The following MATR3 variants were observed in gnomAD, a reference collection of about 807,000 sequenced individuals.
MATR3 encodes matrin-3.
MATR3 carries 4 observed loss-of-function variants against 85.5 expected under a neutral mutation model. The ratio of observed to expected loss-of-function variants is 0.05; its 90% CI spans 0.02 to 0.11. The LOEUF (loss-of-function observed/expected upper bound fraction) is 0.11, where lower values mean the gene tolerates loss of function less well. Ranked by LOEUF, MATR3 falls within the 10% of genes least tolerant of loss-of-function variation. The pLI is 1.00. For missense variants in MATR3, 685 were observed against 1,016.1 expected (o/e 0.67, Z 4.43); for synonymous variants, 336 against 343.1 (o/e 0.98, Z 0.23).
rs1220406341 is a variant in MATR3 at position 139,330,745 on chromosome 5, T to A, written c.*1350T>A. On this transcript the variant is annotated 3_prime_UTR_variant, in exon 15 of 15. Transcript: ENST00000394805. ...ATGAGCAAGAATTAGTTCTGCAGCT[T>A]TTCAAAATAATTACGTAGAGACTCT... 2 of 454,106 alleles carry A rather than the reference T, an allele frequency of 4.4e-6. No homozygotes were observed. The highest frequency in any genetic ancestry group is 4.7e-5 in the Admixed American group (2 of 42,576). 28.1% of individuals were successfully genotyped at this position (454,106 alleles called of 1,614,324 possible). A position where few individuals can be genotyped will look rare whatever the true frequency, so the allele number is the denominator to read the frequency against.
chr5:139,323,923 T>C (rs1755709134), intron 12 of MATR3, among the ~76,000 whole-genome samples: 1 of 152,154 alleles, frequency 6.6e-6, no homozygotes, highest in African/African-American at 2.4e-5. Flanking sequence ...AATGAGATTT[T>C]TGCCATCCTA....
rs767660135 is a variant in MATR3, at chr5:139,324,290, GTTTTTT to G, written c.2149-1135_2149-1130del. 3.7e-5 allele frequency among the ~76,000 whole-genome samples: 4 copies of G among 107,732 alleles called. No individual in the cohort carries two copies. The South Asian group carries it at 9.9e-4, about 27-fold the overall frequency. 70.7% of individuals were successfully genotyped at this position (107,732 alleles called of 152,430 possible). A position where few individuals can be genotyped will look rare whatever the true frequency, so the allele number is the denominator to read the frequency against. ...GGCAGTCATTCTTCAGAGCATGATT[GTTTTTT>G]TTTTTTTTTTTTTTGGAGACGGAGT... On this transcript the variant is annotated intron_variant, in intron 12 of 14. Transcript: ENST00000394805.
At position 139,326,224 on chromosome 5, in the gene MATR3, A is replaced by G; in HGVS notation, c.2433A>G (p.Thr811=). 6.2e-7 allele frequency: 1 copy of G among 1,613,182 alleles called. No individual in the cohort carries two copies. Among genetic ancestry groups the G allele is most frequent in the Non-Finnish European group, 8.5e-7 (1 of 1,179,376 alleles). ...GTAAGCTGTGTTCACTCTTTTATAC[A>G]AATGAAGAAGTTGCAAAGAATACTC... The part of the protein sequence containing the change: ...FYCKLCSLFY[T]NEEVAKNTHC... The change falls in exon 14 of 15, where the codon ACA becomes ACG. Residue 811 remains threonine (T), a synonymous_variant. Transcript: ENST00000394805.
intron 1 of MATR3, among the ~76,000 whole-genome samples, chr5:139,301,223 C>T (rs1407501760): frequency 1.3e-5 from 2 of 152,128 alleles, no homozygotes; most frequent in East Asian, 1.9e-4. Context: ...AGGATTCACA[C>T]GAAGGCTTTT....
chr5:139,281,297 C>G (rs1467513029), intron 3 of MATR3, among the ~76,000 whole-genome samples: 1 of 151,870 alleles, frequency 6.6e-6, no homozygotes, highest in Non-Finnish European at 1.5e-5. Context: ...GACTCAGCCT[C>G]CTGAGTAGCT....
Position 139,329,333 on chromosome 5 carries a change from CTT to C in MATR3, c.2494-10_2494-9del. 1 of 1,605,498 alleles carries C rather than the reference CTT, an allele frequency of 6.2e-7. No individual in the cohort carries two copies. The highest frequency in any genetic ancestry group is 8.5e-7 in the Non-Finnish European group (1 of 1,172,702). ...TAGGTGACTTAATGGCTGTAATTCTCTTTCTTTATAGAAATTTCTGAATAAAT... is the reference window on the plus strand; with the variant it reads ...TAGGTGACTTAATGGCTGTAATTCTCTCTTTATAGAAATTTCTGAATAAAT... On this transcript the variant is annotated splice_polypyrimidine_tract_variant and intron_variant, in intron 14 of 14. Coordinates refer to ENST00000394805, the MANE Select transcript of MATR3 (RefSeq NM_018834.6).
chr5:139,275,296 C>T (rs1460696355), intron 1 of MATR3, among the ~76,000 whole-genome samples: 1 of 151,884 alleles, frequency 6.6e-6, no homozygotes, highest in African/African-American at 2.4e-5. Context: ...CGCGCCCGGC[C>T]TAACATTTTC....
chr5:139,284,339 G>A (rs147364806), intron 3 of MATR3, among the ~76,000 whole-genome samples: 295 of 152,220 alleles, frequency 1.9e-3, no homozygotes, highest in African/African-American at 6.9e-3. Flanking sequence ...TTGGCCGGGC[G>A]CGGTTGCCTA....
At chr5:139,283,209 G>A (rs1033636545) in intron 3 of MATR3, 1 of 152,256 alleles carries the variant, frequency 6.6e-6, no homozygotes, top group Admixed American at 6.5e-5. Flanking sequence ...GGGTTCTGAT[G>A]AGTTGAAGGA....
intron 13 of MATR3, 35 bp downstream of exon 13, chr5:139,325,697 C>T (rs1295778752): frequency 9.6e-6 from 15 of 1,556,336 alleles, no homozygotes; most frequent in Non-Finnish European, 1.2e-5. Context: ...ACCTTCCTCA[C>T]TCTCCTCAAA....
intron 1 of MATR3, among the ~76,000 whole-genome samples, chr5:139,299,148 C>G (rs1255766099): frequency 6.6e-6 from 1 of 152,016 alleles, no homozygotes; most frequent in Non-Finnish European, 1.5e-5. Flanking sequence ...TTTATATACA[C>G]TGGTTTGTAT....
chr5:139,287,116 T>A (rs1336392830), intron 3 of MATR3, among the ~76,000 whole-genome samples: 1 of 152,240 alleles, frequency 6.6e-6, no homozygotes, highest in Non-Finnish European at 1.5e-5. Context: ...TTAGGACTTT[T>A]ACCTTTGTCA....
At chr5:139,319,180 A>T in intron 8 of MATR3, 147 bp downstream of exon 8, 1 of 1,240,448 alleles carries the variant, frequency 8.1e-7, no homozygotes, top group Non-Finnish European at 1.2e-6. Context: ...GGTCAGAAGG[A>T]TTATGTGAGG....
upstream of MATR3, among the ~76,000 whole-genome samples, chr5:139,290,595 G>A (rs1370193216): frequency 2.0e-5 from 3 of 151,442 alleles, no homozygotes; most frequent in South Asian, 2.1e-4. Context: ...CTACAGGTGC[G>A]TATGCCACCA....
At position 139,275,462 on chromosome 5, in the gene MATR3, G is replaced by T. The variant is rs546931067; in HGVS notation, c.-286-659G>T. Reference sequence around the variant, plus strand: ...CTATCCAGTGTTCCCACTGTTCACTGCCCGTTTCTCTCACTGGATAACTTT... The same window carrying T: ...CTATCCAGTGTTCCCACTGTTCACTTCCCGTTTCTCTCACTGGATAACTTT... On this transcript the variant is annotated intron_variant, in intron 1 of 16. Coordinates refer to ENST00000509990, the Ensembl canonical transcript of MATR3. Among the ~76,000 whole-genome samples the T allele has an allele frequency of 1.5e-3, 226 of 152,128 alleles. 2 individuals carry two copies. Among genetic ancestry groups the T allele is most frequent in the African/African-American group, 5.2e-3 (217 of 41,502 alleles).
In MATR3 at chr5:139,318,287, T is replaced by C. The variant is rs6863844; in HGVS notation, c.1308+566T>C. Among the ~76,000 whole-genome samples the C allele has an allele frequency of 6.8e-3, 1,028 of 152,218 alleles. 9 individuals are homozygous for C. The highest frequency in any genetic ancestry group is 0.023 in the African/African-American group (936 of 41,554). ...TAGCTGGGATTACAGCCGCCCACTA[T>C]CATGCTCAGCTGATTTTTGTATTTT... On this transcript the variant is annotated intron_variant, in intron 7 of 14. Coordinates refer to ENST00000394805, the MANE Select transcript of MATR3 (RefSeq NM_018834.6).
At chr5:139,278,798 A>C (rs998325217) in intron 2 of MATR3, 3 of 512,812 alleles carry the variant, frequency 5.9e-6, no homozygotes, top group Admixed American at 5.8e-5. Flanking sequence ...GTTGTCAGCT[A>C]TCCAGGCTCA....
intron 1 of MATR3, among the ~76,000 whole-genome samples, chr5:139,305,384 T>C (rs1561931788): frequency 6.6e-6 from 1 of 152,218 alleles, no homozygotes; most frequent in African/African-American, 2.4e-5. Flanking sequence ...GTAATACCAT[T>C]ATATAATTTC....
chr5:139,289,296 G>A (rs1402778113), upstream of MATR3, among the ~76,000 whole-genome samples: 1 of 152,186 alleles, frequency 6.6e-6, no homozygotes, highest in Non-Finnish European at 1.5e-5. Context: ...GCACACCCCT[G>A]TAAGTCCCAG....
Sources: allele counts gnomAD v4.1 joint callset (sites outside exome capture counted in the v4.1 genomes callset), GRCh38; gene constraint gnomAD v4.1.1; transcripts MANE v1.5; gene names NCBI Gene and HGNC (gene_info 2026-07-23, HGNC 2026-07-21).